The following TCF12 variants were observed in gnomAD, a reference collection of about 807,000 sequenced individuals.
The protein encoded by TCF12 is transcription factor 12, also known as DNA-binding protein HTF4.
In TCF12, 45 loss-of-function variants were observed where a neutral mutation model predicts 86.0. The ratio of observed to expected loss-of-function variants is 0.52; its 90% CI spans 0.41 to 0.67. The LOEUF is 0.67. Among genes scored for constraint, TCF12 ranks in the 30% least tolerant of loss-of-function variants. The pLI is 0.00. For missense variants in TCF12, 881 were observed against 859.9 expected, an observed-to-expected ratio of 1.02 and a Z score of -0.31; for synonymous variants, 330 against 299.6, an observed-to-expected ratio of 1.10 and a Z score of -1.05.
At chr15:57,283,632 A>G (rs1322134958) in intron 20 of TCF12, among the ~76,000 whole-genome samples, 3 of 152,226 alleles carry the variant, frequency 2.0e-5, no homozygotes, top group Non-Finnish European at 2.9e-5. Context: ...TCAACAGATT[A>G]AAGGTAGTAA....
At position 57,057,570 on chromosome 15, in the gene TCF12, G is replaced by A. The variant is rs1008591331; in HGVS notation, c.149-6180G>A. Among the ~76,000 whole-genome samples the A allele has an allele frequency of 1.1e-4, 16 of 152,156 alleles. No individual in the cohort carries two copies. The East Asian group carries it at 2.1e-3, about 20-fold the overall frequency. ...CAAGCTAGCTAGATATTTTCTTTCC[G>A]CCAGCCCTAGGATTTATAGTAACTA... On this transcript the variant is annotated intron_variant, in intron 3 of 20. Transcript: ENST00000333725.
In TCF12 at chr15:57,263,141, G is replaced by T. The variant is rs767728750; in HGVS notation, c.1612G>T (p.Val538Phe). The T allele has an allele frequency of 1.2e-6, 2 of 1,611,700 alleles. No individual in the cohort carries two copies. The highest frequency in any genetic ancestry group is 4.5e-5 in the East Asian group (2 of 44,754). Residue 538 changes from valine (V) to phenylalanine (F), a missense_variant, in exon 18 of 21, where the codon GTT (valine) becomes TTT (phenylalanine). Transcript: ENST00000333725. ...CTTGCAAAGTCAGTCTGGAACTGTTGTTACAACAGAAATCAAGACTGAAAA... is the reference window on the plus strand; with the variant it reads ...CTTGCAAAGTCAGTCTGGAACTGTTTTTACAACAGAAATCAAGACTGAAAA... ...GGLQSQSGTV[V>F]TTEIKTENKE...
chr15:57,258,433 G>A (rs2060446046), intron 16 of TCF12, among the ~76,000 whole-genome samples: 1 of 152,166 alleles, frequency 6.6e-6, no homozygotes, highest in Non-Finnish European at 1.5e-5. Context: ...TCTCTTTAAT[G>A]AAAAGTACGG....
At chr15:57,226,865 G>A (rs1452024512) in intron 8 of TCF12, among the ~76,000 whole-genome samples, 1 of 152,070 alleles carries the variant, frequency 6.6e-6, no homozygotes, top group South Asian at 2.1e-4. Context: ...TTAAAATTCA[G>A]TTTCTCAATT....
chr15:57,072,032 C>A (rs1389593450), intron 4 of TCF12, among the ~76,000 whole-genome samples: 1 of 152,014 alleles, frequency 6.6e-6, no homozygotes, highest in Non-Finnish European at 1.5e-5. Context: ...ATTTTATACA[C>A]AAAATGTTTT....
intron 11 of TCF12, among the ~76,000 whole-genome samples, chr15:57,233,497 A>G (rs1217083887): frequency 1.3e-5 from 2 of 151,408 alleles, no homozygotes; most frequent in African/African-American, 4.9e-5. Flanking sequence ...ATTTTTATTC[A>G]TTTATGTATT....
rs2054084643 is a variant in TCF12, at chr15:57,155,963, ATAGG to A, written c.326-10435_326-10432del. Among the ~76,000 whole-genome samples the A allele has an allele frequency of 2.0e-5, 3 of 152,170 alleles. No homozygotes were observed. In the South Asian group the frequency reaches 6.2e-4, roughly 31 times the overall value. On this transcript the variant is annotated intron_variant, in intron 5 of 20. Coordinates refer to ENST00000333725, the MANE Select transcript of TCF12 (RefSeq NM_207037.2). Reference sequence around the variant, plus strand: ...AAAATGTGCTTCATTTCTATATTACATAGGTAGAGGCTGTTGAGTCTCAGTAAAA... The same window carrying A: ...AAAATGTGCTTCATTTCTATATTACATAGAGGCTGTTGAGTCTCAGTAAAA...
chr15:57,053,282 A>G (rs534079635), intron 3 of TCF12, among the ~76,000 whole-genome samples: 2 of 152,246 alleles, frequency 1.3e-5, no homozygotes, highest in East Asian at 1.9e-4. Context: ...AGAAATGTCT[A>G]TTCAAATTTG....
chr15:57,242,544 G>A (rs190305491), intron 12 of TCF12, among the ~76,000 whole-genome samples: 11 of 152,260 alleles, frequency 7.2e-5, no homozygotes, highest in Admixed American at 5.2e-4. Context: ...GCATGCACTC[G>A]TAGTCTGAGC....
At position 57,075,786 on chromosome 15, in the gene TCF12, CTT is replaced by C. The variant is rs1379998165; in HGVS notation, c.222+11965_222+11966del. 7.5e-3 allele frequency among the ~76,000 whole-genome samples: 423 copies of C among 56,252 alleles called. 1 individual carries two copies. The highest frequency in any genetic ancestry group is 0.029 in the African/African-American group (402 of 14,036). The allele number at this position is 56,252 out of a possible 152,430, so 36.9% of individuals were successfully genotyped here. On this transcript the variant is annotated intron_variant, in intron 4 of 20. Coordinates refer to ENST00000333725, the MANE Select transcript of TCF12 (RefSeq NM_207037.2). ...TCTTTCTTTCTTTCTTTCTTTCTTT[CTT>C]TCTTTCTTTCTTTCTTTCTCTCTCT...
At chr15:56,939,978 T>G (rs925195362) in intron 3 of TCF12, among the ~76,000 whole-genome samples, 25 of 101,306 alleles carry the variant, frequency 2.5e-4, no homozygotes, top group Non-Finnish European at 5.1e-4. Flanking sequence ...TTTTTTTTTT[T>G]TTTTTTTTTT....
intron 5 of TCF12, among the ~76,000 whole-genome samples, chr15:57,128,556 A>G (rs1030680110): frequency 6.6e-6 from 1 of 152,200 alleles, no homozygotes; most frequent in Non-Finnish European, 1.5e-5. Flanking sequence ...TATATCACAT[A>G]TAATAAAATC....
intron 19 of TCF12, among the ~76,000 whole-genome samples, chr15:57,276,183 A>G (rs1022915062): frequency 1.3e-5 from 2 of 152,212 alleles, no homozygotes; most frequent in African/African-American, 2.4e-5. Flanking sequence ...TTCCTGTTCT[A>G]CAAGTGAGTT....
At chr15:57,279,153 C>T (rs1371236688) in intron 19 of TCF12, among the ~76,000 whole-genome samples, 1 of 151,990 alleles carries the variant, frequency 6.6e-6, no homozygotes, top group Non-Finnish European at 1.5e-5. Flanking sequence ...TACCAGCACA[C>T]CTGGCTAATT....
chr15:57,242,853 T>G (rs1258040492), intron 12 of TCF12, among the ~76,000 whole-genome samples: 1 of 152,202 alleles, frequency 6.6e-6, no homozygotes, highest in African/African-American at 2.4e-5. Flanking sequence ...ACAAATCATC[T>G]TGGAAACAGT....
chr15:56,987,946 G>A (rs4774249), intron 3 of TCF12, among the ~76,000 whole-genome samples: 1 of 152,164 alleles, frequency 6.6e-6, no homozygotes, highest in Non-Finnish European at 1.5e-5. Flanking sequence ...TAATCATTCA[G>A]TGTAAACCTA....
At chr15:57,160,334 A>G (rs780306181) in intron 5 of TCF12, among the ~76,000 whole-genome samples, 18 of 152,282 alleles carry the variant, frequency 1.2e-4, no homozygotes, top group Middle Eastern at 3.4e-3. Context: ...AGGGGGGAAA[A>G]GTCCCTTATA....
At chr15:57,228,612 G>A (rs1220319370) in intron 8 of TCF12, among the ~76,000 whole-genome samples, 1 of 151,908 alleles carries the variant, frequency 6.6e-6, no homozygotes, top group African/African-American at 2.4e-5. Context: ...TAGTTTTCTT[G>A]CTCTCCATGA....
chr15:57,209,987 A>G (rs1365391583), intron 8 of TCF12, among the ~76,000 whole-genome samples: 3 of 152,104 alleles, frequency 2.0e-5, no homozygotes, highest in East Asian at 1.9e-4. Flanking sequence ...CACACTGTCA[A>G]TGAAGATCTT....
Sources: allele counts gnomAD v4.1 joint callset (sites outside exome capture counted in the v4.1 genomes callset), GRCh38; gene constraint gnomAD v4.1.1; transcripts MANE v1.5; gene names NCBI Gene and HGNC (gene_info 2026-07-23, HGNC 2026-07-21).